SLC30A6: variants seen among roughly 807,000 people sequenced by gnomAD.
SLC30A6 encodes solute carrier family 30 member 6.
In SLC30A6, 55 loss-of-function variants were observed where a neutral mutation model predicts 63.0. The ratio of observed to expected loss-of-function variants is 0.87; its 90% CI spans 0.70 to 1.09. SLC30A6 has a LOEUF of 1.09. Ranked by LOEUF, SLC30A6 falls within the 50% of genes least tolerant of loss-of-function variation. The pLI is 0.00. For synonymous variants in SLC30A6, 224 were observed against 186.1 expected (o/e 1.20, Z -1.66); for missense variants, 587 against 549.2 (o/e 1.07, Z -0.69).
At chr2:32,215,878 C>T (rs530637215) in intron 13 of SLC30A6, among the ~76,000 whole-genome samples, 3 of 135,742 alleles carry the variant, frequency 2.2e-5, no homozygotes, top group South Asian at 2.3e-4. Context: ...TTTTTTATAA[C>T]GATAGAGTCT....
rs1682600552 is a variant in SLC30A6 at position 32,184,171 on chromosome 2, A to G, written c.219-102A>G. On this transcript the variant is annotated intron_variant, in intron 4 of 13. Coordinates refer to ENST00000282587, the MANE Select transcript of SLC30A6 (RefSeq NM_017964.5). ...ATTTATTATTAATTTAGTCTGTGCAAACACAGATAACTTTCAACCACTTAG... is the reference window on the plus strand; with the variant it reads ...ATTTATTATTAATTTAGTCTGTGCAGACACAGATAACTTTCAACCACTTAG... 6.7e-6 allele frequency: 3 copies of G among 450,268 alleles called. No individual in the cohort carries two copies. In the South Asian group the frequency reaches 1.3e-4, roughly 19 times the overall value. The allele number at this position is 450,268 out of a possible 1,614,324, so 27.9% of individuals were successfully genotyped here.
intron 5 of SLC30A6, 132 bp from the exon 6 acceptor site, chr2:32,192,204 A>G: frequency 1.5e-6 from 1 of 689,476 alleles, no homozygotes; most frequent in Non-Finnish European, 2.5e-6. Context: ...ATCTGCTCTA[A>G]CAGTGTTGGG....
intron 13 of SLC30A6, among the ~76,000 whole-genome samples, chr2:32,210,875 C>T (rs190810495): frequency 6.6e-6 from 1 of 152,244 alleles, no homozygotes; most frequent in East Asian, 1.9e-4. Context: ...ACTGTAACAT[C>T]CCCTCCCTCC....
At position 32,224,373 on chromosome 2, in the gene SLC30A6, G is replaced by T; in HGVS notation, c.*3660G>T. On this transcript the variant is annotated 3_prime_UTR_variant, in exon 14 of 14. Coordinates refer to ENST00000282587, the MANE Select transcript of SLC30A6 (RefSeq NM_017964.5). Reference sequence around the variant, plus strand: ...ATCATCAAATTAAACTTCTTTCCACGTCCTTATCTTCTTTGGCATCCTTTT... The same window carrying T: ...ATCATCAAATTAAACTTCTTTCCACTTCCTTATCTTCTTTGGCATCCTTTT... 1.3e-6 allele frequency: 1 copy of T among 795,346 alleles called. No homozygotes were observed. Among genetic ancestry groups the T allele is most frequent in the Non-Finnish European group, 2.0e-6 (1 of 502,146 alleles). 49.3% of individuals were successfully genotyped at this position (795,346 alleles called of 1,614,324 possible).
chr2:32,213,519 C>T (rs2148902983), intron 13 of SLC30A6, among the ~76,000 whole-genome samples: 1 of 152,150 alleles, frequency 6.6e-6, no homozygotes, highest in Admixed American at 6.5e-5. Flanking sequence ...GTCAGATGTG[C>T]TGTTGCTTCC....
chr2:32,174,176 T>A, intron 3 of SLC30A6, 29 bp downstream of exon 3: 1 of 1,537,546 alleles, frequency 6.5e-7, no homozygotes, highest in East Asian at 2.3e-5. Flanking sequence ...TTTATGGAGT[T>A]GTTATTTTTA....
At chr2:32,166,332 G>C (rs1361361405) in intron 1 of SLC30A6, among the ~76,000 whole-genome samples, 4 of 152,120 alleles carry the variant, frequency 2.6e-5, no homozygotes, top group Admixed American at 2.6e-4. Context: ...TAGTAATAGG[G>C]TTTTAGGGCA....
chr2:32,199,589 A>G (rs1357659752), intron 10 of SLC30A6, among the ~76,000 whole-genome samples: 1 of 152,196 alleles, frequency 6.6e-6, no homozygotes, highest in East Asian at 1.9e-4. Context: ...TTTAAAATGT[A>G]CAATAAATTA....
chr2:32,173,041 A>G (rs13427170), intron 2 of SLC30A6, among the ~76,000 whole-genome samples: 70,937 of 152,030 alleles, frequency 0.47, 16,759 homozygotes, highest in Admixed American at 0.5. Flanking sequence ...TGATGTCCCT[A>G]TAATTGTTCT....
In SLC30A6 at chr2:32,224,093, G is replaced by A. The variant is rs1272166341; in HGVS notation, c.*3380G>A. The A allele has an allele frequency of 1.3e-5, 2 of 159,168 alleles. No individual in the cohort carries two copies. Among genetic ancestry groups the A allele is most frequent in the African/African-American group, 4.8e-5 (2 of 41,644 alleles). 9.9% of individuals were successfully genotyped at this position (159,168 alleles called of 1,614,324 possible). On this transcript the variant is annotated 3_prime_UTR_variant, in exon 14 of 14. Coordinates refer to ENST00000282587, the MANE Select transcript of SLC30A6 (RefSeq NM_017964.5). ...CTGTTTGGATTAAAGAACATATATG[G>A]AGTTTCCTCTCTGGTTTTAAATAAT...
intron 5 of SLC30A6, among the ~76,000 whole-genome samples, chr2:32,191,426 C>T (rs1289444095): frequency 6.6e-6 from 1 of 152,038 alleles, no homozygotes; most frequent in African/African-American, 2.4e-5. Flanking sequence ...TTCTGTGCCT[C>T]CGTGATTATT....
Position 32,175,506 on chromosome 2 carries a change from A to G in SLC30A6, c.218+145A>G, listed in dbSNP as rs530465263. On this transcript the variant is annotated intron_variant, in intron 4 of 13. Coordinates refer to ENST00000282587, the MANE Select transcript of SLC30A6 (RefSeq NM_017964.5). ...AAAACATTATGCTTTGAAGACAGTC[A>G]TAAAGGACCACATATTTTATGATTT... 11 of 681,492 alleles carry G rather than the reference A, an allele frequency of 1.6e-5. No homozygotes were observed. The Admixed American group carries it at 1.9e-4, about 12-fold the overall frequency. 42.2% of individuals were successfully genotyped at this position (681,492 alleles called of 1,614,324 possible).
In SLC30A6 at chr2:32,174,044, G is replaced by A; in HGVS notation, c.91-19G>A. Reference sequence around the variant, plus strand: ...ATTTATCACTTCTGTACACATAAGAGTGATTTTTATTTTCACAGTCCTGGA... The same window carrying A: ...ATTTATCACTTCTGTACACATAAGAATGATTTTTATTTTCACAGTCCTGGA... On this transcript the variant is annotated intron_variant, in intron 2 of 13. Coordinates refer to ENST00000282587, the MANE Select transcript of SLC30A6 (RefSeq NM_017964.5). The A allele has an allele frequency of 6.3e-7, 1 of 1,599,034 alleles. No homozygotes were observed. Among genetic ancestry groups the A allele is most frequent in the Admixed American group, 1.7e-5 (1 of 59,286 alleles).
chr2:32,206,974 A>AG (rs1198492590), intron 12 of SLC30A6, 41 bp downstream of exon 12: 3 of 1,484,528 alleles, frequency 2.0e-6, no homozygotes, highest in Non-Finnish European at 1.9e-6. Flanking sequence ...ATTTTATATC[A>AG]GGGAATTGAA....
intron 5 of SLC30A6, among the ~76,000 whole-genome samples, chr2:32,189,596 CTTTTTTTTTTTTT>C (rs3040842): frequency 0.02 from 1,046 of 51,946 alleles, 25 homozygotes; most frequent in South Asian, 0.098. Flanking sequence ...CGCACCCGGC[CTTTTTTTTTTTTT>C]TTTTTTTTTT....
In SLC30A6 at chr2:32,192,929, T is replaced by C. The variant is rs1348305905; in HGVS notation, c.377T>C (p.Phe126Ser). The part of the protein sequence containing the change: ...LFILKESAER[F>S]LEQPEIHTGR... ...TTTATTTCTTATAGTGCAGAACGCT[T>C]TTTGGAACAGCCCGAGATACACACG... The change falls in exon 7 of 14, where the codon TTT becomes TCT. Residue 126 changes from phenylalanine (F) to serine (S), a missense_variant. By Grantham distance (155) the Phe-to-Ser change is radical (BLOSUM62 -2). Coordinates refer to ENST00000282587, the MANE Select transcript of SLC30A6 (RefSeq NM_017964.5). 2 of 1,530,804 alleles carry C rather than the reference T, an allele frequency of 1.3e-6. No individual in the cohort carries two copies. Among genetic ancestry groups the C allele is most frequent in the Non-Finnish European group, 1.8e-6 (2 of 1,127,720 alleles). 94.8% of individuals were successfully genotyped at this position (1,530,804 alleles called of 1,614,324 possible). A position where few individuals can be genotyped will look rare whatever the true frequency, so the allele number is the denominator to read the frequency against.
intron 5 of SLC30A6, among the ~76,000 whole-genome samples, chr2:32,186,138 A>G (rs1682791242): frequency 6.6e-6 from 1 of 151,136 alleles, no homozygotes; most frequent in Admixed American, 6.6e-5. Context: ...AGATTCGATC[A>G]ATTCTTATGC....
intron 4 of SLC30A6, among the ~76,000 whole-genome samples, chr2:32,183,411 T>TG (rs1435335048): frequency 6.6e-6 from 1 of 152,060 alleles, no homozygotes; most frequent in Admixed American, 6.6e-5. Context: ...CCAGGCGCGG[T>TG]GGCTCACGCC....
chr2:32,170,636 TCACCGAGGCCAGAGTGCAGTGG>T (rs1681120312), intron 1 of SLC30A6, among the ~76,000 whole-genome samples: 1 of 152,186 alleles, frequency 6.6e-6, no homozygotes, highest in African/African-American at 2.4e-5. Flanking sequence ...TCTCACTCTG[TCACCGAGGCCAGAGTGCAGTGG>T]CACAATCTTG....
Sources: allele counts gnomAD v4.1 joint callset (sites outside exome capture counted in the v4.1 genomes callset), GRCh38; gene constraint gnomAD v4.1.1; transcripts MANE v1.5; gene names NCBI Gene and HGNC (gene_info 2026-07-23, HGNC 2026-07-21).